Variants in PEBP4 observed in about 807,000 individuals in gnomAD.
PEBP4 encodes phosphatidylethanolamine-binding protein 4.
In PEBP4, 22 loss-of-function variants were observed where a neutral mutation model predicts 23.9. The ratio of observed to expected loss-of-function variants is 0.92; its 90% CI spans 0.66 to 1.31. The LOEUF is 1.31. Ranked by LOEUF, PEBP4 falls within the 40% of genes most tolerant of loss-of-function variation. The probability of loss-of-function intolerance (pLI) is 0.00; values close to 1 mark genes in which losing one functional copy is unlikely to be tolerated. For synonymous variants in PEBP4, 112 were observed against 99.3 expected (o/e 1.13, Z -0.76); for missense variants, 324 against 281.7 (o/e 1.15, Z -1.07).
At chr8:22,726,562 G>T (rs558210638) in intron 5 of PEBP4, among the ~76,000 whole-genome samples, 1 of 152,352 alleles carries the variant, frequency 6.6e-6, no homozygotes, top group East Asian at 1.9e-4. Context: ...GAGGGGAAAG[G>T]GTTCACACAT....
At chr8:22,933,064 G>A (rs8180915) in intron 1 of PEBP4, among the ~76,000 whole-genome samples, 1 of 151,242 alleles carries the variant, frequency 6.6e-6, no homozygotes, top group African/African-American at 2.4e-5. Context: ...CACCTCCACT[G>A]CCAGCAGTAT....
chr8:22,741,033 G>T (rs1804978920), intron 4 of PEBP4, among the ~76,000 whole-genome samples: 1 of 152,252 alleles, frequency 6.6e-6, no homozygotes, highest in Admixed American at 6.5e-5. Context: ...GGACTGGGAA[G>T]AGACAGATGG....
rs562355273 is a variant in PEBP4, at chr8:22,908,014, A to C, written c.258+12170T>G. On this transcript the variant is annotated intron_variant, in intron 3 of 6. Coordinates refer to ENST00000256404, the MANE Select transcript of PEBP4 (RefSeq NM_144962.3). ...GGTGACAGAGTGGGACCCTGTCTCA[A>C]AAAAAAAAAAAGAGATACTGATGAC... Among the ~76,000 whole-genome samples, 3 of 125,998 alleles carry C rather than the reference A, an allele frequency of 2.4e-5. No homozygotes were observed. In the East Asian group the frequency reaches 6.0e-4, roughly 25 times the overall value. The allele number at this position is 125,998 out of a possible 152,430, so 82.7% of individuals were successfully genotyped here.
At chr8:22,915,954 G>T (rs1015863850) in intron 3 of PEBP4, among the ~76,000 whole-genome samples, 2 of 152,204 alleles carry the variant, frequency 1.3e-5, no homozygotes, top group African/African-American at 4.8e-5. Context: ...GTTGAAACTT[G>T]TGTCTCCACC....
chr8:22,730,499 G>A (rs535884708), intron 4 of PEBP4, among the ~76,000 whole-genome samples: 2 of 152,210 alleles, frequency 1.3e-5, no homozygotes, highest in Non-Finnish European at 2.9e-5. Flanking sequence ...TGGTGCCACC[G>A]CACTTCAGCC....
chr8:22,841,852 T>C (rs1015304261), intron 3 of PEBP4, among the ~76,000 whole-genome samples: 3 of 152,214 alleles, frequency 2.0e-5, no homozygotes, highest in African/African-American at 7.2e-5. Context: ...AACACACATA[T>C]ATTGGTGCAC....
At chr8:22,928,261 C>A (rs1048070048), upstream of PEBP4, among the ~76,000 whole-genome samples, 29 of 152,234 alleles carry the variant, frequency 1.9e-4, no homozygotes, top group African/African-American at 7.0e-4. Context: ...TGAGCTTCCC[C>A]AAGGTGGAGG....
intron 2 of PEBP4, chr8:22,924,708 C>T: frequency 9.1e-6 from 9 of 985,336 alleles, no homozygotes; most frequent in Non-Finnish European, 1.1e-5. Context: ...TGGATGGCAG[C>T]AGCAGGTGGG....
rs1198807184 is a variant in PEBP4 at position 22,727,168 on chromosome 8, TACTC to T, written c.403+3_403+6del. 1.2e-6 allele frequency: 2 copies of T among 1,613,832 alleles called. No homozygotes were observed. The highest frequency in any genetic ancestry group is 2.7e-5 in the African/African-American group (2 of 74,874). On this transcript the variant is annotated splice_donor_5th_base_variant and intron_variant, in intron 5 of 6. Transcript: ENST00000256404. ...CTGGGGGAAGGGGTCCCTAGGGTCT[TACTC>T]ACCTGATAACTCCTGGCCCTGAATC...
chr8:22,938,612 C>G (rs1041520969), intron 1 of PEBP4, among the ~76,000 whole-genome samples: 17 of 152,146 alleles, frequency 1.1e-4, no homozygotes, highest in Non-Finnish European at 2.9e-5. Context: ...TGCCTGGGAC[C>G]AGCAGGTGCT....
intron 3 of PEBP4, among the ~76,000 whole-genome samples, chr8:22,843,439 T>G (rs1416673483): frequency 6.6e-6 from 1 of 152,208 alleles, no homozygotes. Flanking sequence ...ATGAACAGTT[T>G]CCTAGGAAAT....
At chr8:22,903,320 C>A (rs562479982) in intron 3 of PEBP4, among the ~76,000 whole-genome samples, 1 of 152,250 alleles carries the variant, frequency 6.6e-6, no homozygotes, top group African/African-American at 2.4e-5. Context: ...ATCTATAAAA[C>A]GGGGATAATG....
At chr8:22,918,580 T>C (rs1011191525) in intron 3 of PEBP4, among the ~76,000 whole-genome samples, 3 of 152,190 alleles carry the variant, frequency 2.0e-5, no homozygotes, top group Non-Finnish European at 4.4e-5. Flanking sequence ...TGCCATCTAG[T>C]GGATGTCTGC....
chr8:22,748,005 G>A (rs1415322396), intron 4 of PEBP4, among the ~76,000 whole-genome samples: 1 of 152,236 alleles, frequency 6.6e-6, no homozygotes, highest in Non-Finnish European at 1.5e-5. Flanking sequence ...GCTGGCCCTT[G>A]CCTGGACTTG....
chr8:22,715,577 T>C (rs1327059863), intron 6 of PEBP4, among the ~76,000 whole-genome samples: 2 of 152,176 alleles, frequency 1.3e-5, no homozygotes, highest in East Asian at 1.9e-4. Flanking sequence ...TGGGGCAAGC[T>C]GCGGGGAAGA....
At chr8:22,749,818 T>TTTTTTTTGTTTTTTTTTTTTTTG (rs1805211934) in intron 4 of PEBP4, among the ~76,000 whole-genome samples, 1 of 141,904 alleles carries the variant, frequency 7.0e-6, no homozygotes, top group Non-Finnish European at 1.6e-5. Context: ...TTTTTTTTTT[T>TTTTTTTTGTTTTTTTTTTTTTTG]TTTTTGAGAT....
intron 3 of PEBP4, among the ~76,000 whole-genome samples, chr8:22,880,114 G>T (rs796474146): frequency 6.6e-6 from 1 of 152,212 alleles, no homozygotes; most frequent in Non-Finnish European, 1.5e-5. Flanking sequence ...GGAGAGAGCC[G>T]CCTGGGGCTC....
At chr8:22,745,561 C>T (rs111519925) in intron 4 of PEBP4, 1 of 152,304 alleles carries the variant, frequency 6.6e-6, no homozygotes, top group Non-Finnish European at 1.5e-5. Flanking sequence ...CTTTATCTTT[C>T]CAATCCAGTT....
At chr8:22,851,524 G>T (rs1807550069) in intron 3 of PEBP4, among the ~76,000 whole-genome samples, 1 of 152,134 alleles carries the variant, frequency 6.6e-6, no homozygotes, top group Non-Finnish European at 1.5e-5. Flanking sequence ...GCTCAGGAAA[G>T]CTAAGCAACT....
Sources: allele counts gnomAD v4.1 joint callset (sites outside exome capture counted in the v4.1 genomes callset), GRCh38; gene constraint gnomAD v4.1.1; transcripts MANE v1.5; gene names NCBI Gene and HGNC (gene_info 2026-07-23, HGNC 2026-07-21).